The following DYRK1A variants were observed in gnomAD, a reference collection of about 807,000 sequenced individuals.
The protein encoded by DYRK1A is dual specificity tyrosine-phosphorylation-regulated kinase 1A.
A neutral mutation model predicts 79.7 loss-of-function variants in DYRK1A; 9 were observed. The observed-to-expected ratio is 0.11, with a 90% CI of 0.07 to 0.20. The LOEUF is 0.20. Among genes scored for constraint, DYRK1A ranks in the 10% least tolerant of loss-of-function variants. DYRK1A has a pLI of 1.00. For synonymous variants in DYRK1A, 349 were observed against 329.7 expected (o/e 1.06, Z -0.63); for missense variants, 622 against 956.0 (o/e 0.65, Z 4.61).
At chr21:37,463,092 G>T (rs2186338) in intron 2 of DYRK1A, among the ~76,000 whole-genome samples, 2 of 151,720 alleles carry the variant, frequency 1.3e-5, no homozygotes, top group East Asian at 1.9e-4. Context: ...TTTTATTTAC[G>T]TCTTATATGA....
At chr21:37,411,139 T>C (rs1449292364) in intron 1 of DYRK1A, among the ~76,000 whole-genome samples, 3 of 148,508 alleles carry the variant, frequency 2.0e-5, no homozygotes, top group South Asian at 2.1e-4. Context: ...GGGTAGATCA[T>C]GAGGTCAGGA....
chr21:37,384,543 TTGCC>T (rs1359248473), intron 1 of DYRK1A, among the ~76,000 whole-genome samples: 5 of 149,452 alleles, frequency 3.3e-5, no homozygotes, highest in Non-Finnish European at 4.4e-5. Context: ...ACTAATGTAA[TTGCC>T]TGTTACTACA....
chr21:37,410,012 T>G (rs1197795733), intron 1 of DYRK1A, among the ~76,000 whole-genome samples: 5 of 152,226 alleles, frequency 3.3e-5, no homozygotes, highest in Non-Finnish European at 7.3e-5. Flanking sequence ...AATTAGAGAT[T>G]GAACATGAAG....
chr21:37,451,358 ATCCC>A (rs145860238), intron 2 of DYRK1A, among the ~76,000 whole-genome samples: 2 of 96,382 alleles, frequency 2.1e-5, no homozygotes, highest in South Asian at 4.0e-4. Flanking sequence ...CCGTCCCTCC[ATCCC>A]TCCCTCCCTC....
chr21:37,457,435 C>T (rs866756817), intron 2 of DYRK1A, among the ~76,000 whole-genome samples: 6 of 152,060 alleles, frequency 3.9e-5, no homozygotes, highest in Non-Finnish European at 8.8e-5. Context: ...TGGGGTTTCG[C>T]CATGTTGACC....
In DYRK1A at chr21:37,494,655, T is replaced by C. The variant is rs1270345750; in HGVS notation, c.1072-1463T>C. On this transcript the variant is annotated intron_variant, in intron 8 of 11. Transcript: ENST00000647188. The stretch of plus-strand genomic sequence containing the variant: ...GCATCTGACATCATGTATTTAATTA[T>C]TTATTGATAATGCCGGGCGCAGTGG... Among the ~76,000 whole-genome samples the C allele has an allele frequency of 2.0e-5, 3 of 152,048 alleles. No homozygotes were observed. The East Asian group carries it at 5.8e-4, about 30-fold the overall frequency.
chr21:37,422,056 T>C (rs1181141090), intron 2 of DYRK1A, among the ~76,000 whole-genome samples: 2 of 152,134 alleles, frequency 1.3e-5, no homozygotes, highest in African/African-American at 4.8e-5. Flanking sequence ...AAATAACTAA[T>C]GAGTAAATAC....
rs906786906 is a variant in DYRK1A, at chr21:37,513,566, CTT to C, written c.*1036_*1037del. ...TTGCGTGTGTCATAAAGTTGACTTC[CTT>C]ATTGGTTGAAGGTCACAGAAGTAGT... On this transcript the variant is annotated 3_prime_UTR_variant, in exon 12 of 12. Coordinates refer to ENST00000647188, the MANE Select transcript of DYRK1A (RefSeq NM_001347721.2). 5 of 152,550 alleles carry C rather than the reference CTT, an allele frequency of 3.3e-5. No homozygotes were observed. The highest frequency in any genetic ancestry group is 7.4e-5 in the Non-Finnish European group (5 of 68,010). 9.4% of individuals were successfully genotyped at this position (152,550 alleles called of 1,614,324 possible). A position where few individuals can be genotyped will look rare whatever the true frequency, so the allele number is the denominator to read the frequency against.
rs1351671125 is a variant in DYRK1A, at chr21:37,521,189, A to G, written c.*8658A>G. On this transcript the variant is annotated 3_prime_UTR_variant, in exon 12 of 12. Coordinates refer to ENST00000647188, the MANE Select transcript of DYRK1A (RefSeq NM_001347721.2). ...TTGTTTGCGTATTAGAGTTCTGACC[A>G]TCTTCACTAGAAGTGGGGGCGGCTA... 3 of 152,218 alleles carry G rather than the reference A, an allele frequency of 2.0e-5. No homozygotes were observed. The highest frequency in any genetic ancestry group is 7.2e-5 in the African/African-American group (3 of 41,462). The allele number at this position is 152,218 out of a possible 1,614,324, so 9.4% of individuals were successfully genotyped here. A position where few individuals can be genotyped will look rare whatever the true frequency, so the allele number is the denominator to read the frequency against.
At chr21:37,431,072 A>G (rs140874370) in intron 2 of DYRK1A, among the ~76,000 whole-genome samples, 1 of 152,090 alleles carries the variant, frequency 6.6e-6, no homozygotes, top group Non-Finnish European at 1.5e-5. Context: ...GTTCACTGGT[A>G]TGTCTCCATC....
At chr21:37,487,783 A>G (rs1370205429) in intron 6 of DYRK1A, 1 of 152,024 alleles carries the variant, frequency 6.6e-6, no homozygotes, top group Non-Finnish European at 1.5e-5. Context: ...GTTTCTATTA[A>G]TTTTTCTTAG....
chr21:37,486,385 A>C, intron 5 of DYRK1A, 82 bp from the exon 6 acceptor site: 1 of 1,099,938 alleles, frequency 9.1e-7, no homozygotes, highest in Non-Finnish European at 1.2e-6. Context: ...AATTAGGTAA[A>C]TGTTATAATT....
chr21:37,420,562 CAG>C (rs2050448529), intron 2 of DYRK1A, among the ~76,000 whole-genome samples, 178 bp downstream of exon 2: 1 of 152,040 alleles, frequency 6.6e-6, no homozygotes, highest in African/African-American at 2.4e-5. Flanking sequence ...GATTGATAAT[CAG>C]TGATTTATAG....
intron 4 of DYRK1A, among the ~76,000 whole-genome samples, chr21:37,479,619 G>GTTTTTGTTTTTTTT (rs2052550822): frequency 1.5e-4 from 11 of 73,914 alleles, no homozygotes; most frequent in East Asian, 6.3e-4. Flanking sequence ...TTTGTTTTTT[G>GTTTTTGTTTTTTTT]TTTTTTTTTT....
intron 6 of DYRK1A, chr21:37,488,513 G>T: frequency 1.1e-6 from 1 of 908,114 alleles, no homozygotes; most frequent in Non-Finnish European, 1.3e-6. Flanking sequence ...TTTGGTACCT[G>T]CCATGGTCTA....
At chr21:37,492,086 T>G (rs557946606) in intron 7 of DYRK1A, among the ~76,000 whole-genome samples, 1 of 152,304 alleles carries the variant, frequency 6.6e-6, no homozygotes, top group African/African-American at 2.4e-5. Context: ...TGGTGAGTGT[T>G]TGGGCCTAGG....
intron 1 of DYRK1A, among the ~76,000 whole-genome samples, chr21:37,387,008 T>C (rs1478663125): frequency 6.6e-6 from 1 of 152,196 alleles, no homozygotes; most frequent in Admixed American, 6.5e-5. Flanking sequence ...CTGGGCACGC[T>C]CTCCTTGAGC....
At chr21:37,431,215 C>T (rs1410151240) in intron 2 of DYRK1A, among the ~76,000 whole-genome samples, 3 of 152,172 alleles carry the variant, frequency 2.0e-5, no homozygotes, top group Admixed American at 1.3e-4. Flanking sequence ...CCCTCCTTCC[C>T]AGCTTGGGAA....
intron 1 of DYRK1A, among the ~76,000 whole-genome samples, chr21:37,416,697 T>C (rs2148421430): frequency 6.6e-6 from 1 of 152,278 alleles, no homozygotes; most frequent in African/African-American, 2.4e-5. Flanking sequence ...ATTTATGTAA[T>C]CTAATTTTAG....
Sources: allele counts gnomAD v4.1 joint callset (sites outside exome capture counted in the v4.1 genomes callset), GRCh38; gene constraint gnomAD v4.1.1; transcripts MANE v1.5; gene names NCBI Gene and HGNC (gene_info 2026-07-23, HGNC 2026-07-21).